The following RABGEF1 variants were observed in gnomAD, a reference collection of about 807,000 sequenced individuals.
RABGEF1 encodes the protein rab5 GDP/GTP exchange factor.
RABGEF1 carries 26 observed loss-of-function variants against 57.3 expected under a neutral mutation model. That is an observed-to-expected ratio of 0.45 (90% CI 0.33 to 0.63). The LOEUF (loss-of-function observed/expected upper bound fraction) is 0.63, where lower values mean the gene tolerates loss of function less well. Ranked by LOEUF, RABGEF1 falls within the 20% of genes least tolerant of loss-of-function variation. The pLI, the probability that RABGEF1 is intolerant of heterozygous loss-of-function variation, is 0.02. For missense variants in RABGEF1, 464 were observed against 607.6 expected (o/e 0.76, Z 2.48); for synonymous variants, 185 against 210.7 (o/e 0.88, Z 1.06).
At chr7:66,681,325 A>G (rs902382482), upstream of RABGEF1, among the ~76,000 whole-genome samples, 2 of 151,992 alleles carry the variant, frequency 1.3e-5, no homozygotes, top group Non-Finnish European at 2.9e-5. Context: ...AACAGTATCC[A>G]ATTTGTGACT....
chr7:66,714,749 C>G (rs1258027898), intron 2 of RABGEF1, among the ~76,000 whole-genome samples: 1 of 152,120 alleles, frequency 6.6e-6, no homozygotes, highest in African/African-American at 2.4e-5. Context: ...TCCTGGCTAA[C>G]ATGGTGAAAC....
At chr7:66,780,557 C>T (rs146720173) in intron 3 of RABGEF1, among the ~76,000 whole-genome samples, 1 of 152,252 alleles carries the variant, frequency 6.6e-6, no homozygotes, top group African/African-American at 2.4e-5. Flanking sequence ...TCAGATAGGT[C>T]AAGTTGGTTG....
At chr7:66,717,364 A>G (rs1248387587) in intron 2 of RABGEF1, among the ~76,000 whole-genome samples, 1 of 152,210 alleles carries the variant, frequency 6.6e-6, no homozygotes, top group East Asian at 1.9e-4. Flanking sequence ...TGCATCTATA[A>G]ACATTGAAAT....
intron 1 of RABGEF1, among the ~76,000 whole-genome samples, chr7:66,711,135 G>A (rs1456072512): frequency 2.6e-5 from 4 of 152,244 alleles, no homozygotes; most frequent in African/African-American, 7.2e-5. Context: ...ACTCCAGCCC[G>A]GTTGACAGAG....
chr7:66,702,658 T>C (rs2707830), intron 1 of RABGEF1, among the ~76,000 whole-genome samples: 15,656 of 152,212 alleles, frequency 0.1, 981 homozygotes, highest in South Asian at 0.2. Flanking sequence ...ATTTTTTGAT[T>C]ATAGTCATCT....
intron 1 of RABGEF1, among the ~76,000 whole-genome samples, chr7:66,693,485 C>T (rs926204810): frequency 2.0e-5 from 3 of 152,302 alleles, no homozygotes; most frequent in African/African-American, 4.8e-5. Context: ...CCTGCTGCCC[C>T]CAGAGACACA....
chr7:66,656,406 C>T, the RABGEF1 span, among the ~76,000 whole-genome samples: 1 of 151,936 alleles, frequency 6.6e-6, no homozygotes, highest in Non-Finnish European at 1.5e-5. Context: ...GCATCAGCTA[C>T]TGAGCCTGGA....
the RABGEF1 span, among the ~76,000 whole-genome samples, chr7:66,674,031 A>C: frequency 6.6e-6 from 1 of 152,246 alleles, no homozygotes; most frequent in Non-Finnish European, 1.5e-5. Context: ...CTACAGAATA[A>C]TACTAGTGGC....
chr7:66,663,173 C>T, the RABGEF1 span, among the ~76,000 whole-genome samples: 1 of 152,236 alleles, frequency 6.6e-6, no homozygotes, highest in African/African-American at 2.4e-5. Context: ...TCAGCCCATC[C>T]CTTCGTTTCC....
chr7:66,743,762 A>T (rs558075885), intron 1 of RABGEF1, among the ~76,000 whole-genome samples: 1 of 152,192 alleles, frequency 6.6e-6, no homozygotes, highest in African/African-American at 2.4e-5. Flanking sequence ...CGGCATTCCA[A>T]AGTGCTGGGA....
chr7:66,801,499 T>C (rs1787287155), intron 7 of RABGEF1, among the ~76,000 whole-genome samples: 1 of 152,190 alleles, frequency 6.6e-6, no homozygotes, highest in Non-Finnish European at 1.5e-5. Context: ...TTTCTAACTT[T>C]TCTGGTACCC....
chr7:66,729,290 C>T (rs1562744725), intron 2 of RABGEF1, among the ~76,000 whole-genome samples: 1 of 111,772 alleles, frequency 8.9e-6, no homozygotes, highest in Non-Finnish European at 1.9e-5. Context: ...TTCATCCTCC[C>T]CTCCATCCTC....
intron 1 of RABGEF1, among the ~76,000 whole-genome samples, chr7:66,748,195 T>C (rs1484294475): frequency 1.3e-5 from 2 of 152,238 alleles, no homozygotes; most frequent in Non-Finnish European, 2.9e-5. Flanking sequence ...AAACTCCTTA[T>C]TGGCTTTTTG....
chr7:66,728,955 T>TACCACCCTC (rs1310702475), intron 2 of RABGEF1, among the ~76,000 whole-genome samples: 1 of 148,234 alleles, frequency 6.7e-6, no homozygotes. Context: ...CCTCCACTTT[T>TACCACCCTC]TTTTTTTTTT....
chr7:66,691,766 A>G (rs1791549715), intron 1 of RABGEF1, among the ~76,000 whole-genome samples: 1 of 152,164 alleles, frequency 6.6e-6, no homozygotes, highest in Non-Finnish European at 1.5e-5. Context: ...AGACAGGCTA[A>G]GCTAAGGCTT....
chr7:66,759,605 G>T (rs565350280), intron 1 of RABGEF1, among the ~76,000 whole-genome samples: 1 of 152,310 alleles, frequency 6.6e-6, no homozygotes, highest in African/African-American at 2.4e-5. Context: ...TGCAGCTTCT[G>T]CTTCTAGGGT....
intron 1 of RABGEF1, among the ~76,000 whole-genome samples, chr7:66,741,824 G>C (rs1799027473): frequency 6.6e-6 from 1 of 152,034 alleles, no homozygotes; most frequent in South Asian, 2.1e-4. Context: ...GAGCCATTGC[G>C]CGGCTTTAAC....
intron 3 of RABGEF1, among the ~76,000 whole-genome samples, chr7:66,778,044 T>C (rs1049906278): frequency 3.3e-5 from 5 of 152,216 alleles, no homozygotes; most frequent in African/African-American, 1.2e-4. Flanking sequence ...ACAGATCACT[T>C]AATATAACTT....
intron 1 of RABGEF1, among the ~76,000 whole-genome samples, chr7:66,693,163 G>A (rs1791794427): frequency 2.0e-5 from 3 of 152,058 alleles, no homozygotes; most frequent in Admixed American, 6.6e-5. Flanking sequence ...GGGGAGATTC[G>A]GGGACAGGGT....
Sources: allele counts gnomAD v4.1 joint callset (sites outside exome capture counted in the v4.1 genomes callset), GRCh38; gene constraint gnomAD v4.1.1; transcripts MANE v1.5; gene names NCBI Gene and HGNC (gene_info 2026-07-23, HGNC 2026-07-21).